The following SOX5 variants were observed in gnomAD, a reference collection of about 807,000 sequenced individuals.
The protein encoded by SOX5 is SRY-box transcription factor 5, also known as transcription factor SOX-5.
A neutral mutation model predicts 92.0 loss-of-function variants in SOX5; 9 were observed. That is an observed-to-expected ratio of 0.10 (90% CI 0.06 to 0.17). SOX5 has a LOEUF of 0.17. SOX5 is among the 10% of genes least tolerant of loss of function. The pLI, the probability that SOX5 is intolerant of heterozygous loss-of-function variation, is 1.00. For synonymous variants in SOX5, 344 were observed against 336.3 expected, an observed-to-expected ratio of 1.02 and a Z score of -0.25; for missense variants, 642 against 944.5, an observed-to-expected ratio of 0.68 and a Z score of 4.20.
At chr12:23,581,437 T>C (rs139958753) in intron 9 of SOX5, among the ~76,000 whole-genome samples, 103 of 152,266 alleles carry the variant, frequency 6.8e-4, no homozygotes, top group African/African-American at 2.4e-3. Flanking sequence ...ATGATTTGGT[T>C]CATTCCATAT....
chr12:24,207,012 C>G (rs1958091214), intron 4 of SOX5, among the ~76,000 whole-genome samples: 2 of 152,204 alleles, frequency 1.3e-5, no homozygotes, highest in African/African-American at 4.8e-5. Context: ...GGGAATAGGG[C>G]TCCCCTCTTC....
intron 1 of SOX5, among the ~76,000 whole-genome samples, chr12:24,446,988 A>C (rs962488077): frequency 2.0e-5 from 3 of 152,238 alleles, no homozygotes; most frequent in Non-Finnish European, 2.9e-5. Context: ...TAATCCAAGG[A>C]TCAAACAAAT....
At chr12:23,731,075 C>A (rs931902671) in intron 6 of SOX5, among the ~76,000 whole-genome samples, 1 of 152,208 alleles carries the variant, frequency 6.6e-6, no homozygotes, top group African/African-American at 2.4e-5. Flanking sequence ...ATGCGTGGAT[C>A]TATCTGGTGG....
intron 1 of SOX5, among the ~76,000 whole-genome samples, chr12:24,399,576 T>C (rs1188259041): frequency 6.6e-6 from 1 of 152,152 alleles, no homozygotes; most frequent in Non-Finnish European, 1.5e-5. Context: ...ATAATGAAAA[T>C]GTGGAATTAC....
At chr12:24,283,094 T>C (rs1012581009) in intron 2 of SOX5, among the ~76,000 whole-genome samples, 1 of 152,236 alleles carries the variant, frequency 6.6e-6, no homozygotes, top group Non-Finnish European at 1.5e-5. Context: ...TGCCGTAGTC[T>C]TAACCACTGG....
intron 3 of SOX5, among the ~76,000 whole-genome samples, chr12:23,804,343 C>T (rs1489507509): frequency 2.0e-5 from 3 of 152,224 alleles, no homozygotes; most frequent in South Asian, 2.1e-4. Context: ...TCTATAACAG[C>T]ATATCCACTG....
At chr12:23,893,586 T>C (rs1436026730) in intron 2 of SOX5, among the ~76,000 whole-genome samples, 1 of 152,228 alleles carries the variant, frequency 6.6e-6, no homozygotes, top group East Asian at 1.9e-4. Flanking sequence ...ATCTTCCATT[T>C]ATCTTTCTGG....
chr12:23,682,411 C>A (rs1272994773), intron 6 of SOX5, among the ~76,000 whole-genome samples: 1 of 150,076 alleles, frequency 6.7e-6, no homozygotes, highest in East Asian at 1.9e-4. Flanking sequence ...ATTAAAAATA[C>A]AATTTGATTA....
intron 6 of SOX5, among the ~76,000 whole-genome samples, chr12:23,730,450 C>T (rs1158813294): frequency 6.6e-6 from 1 of 152,088 alleles, no homozygotes; most frequent in Non-Finnish European, 1.5e-5. Context: ...GAAAAGTGGA[C>T]ATGTTCTTGA....
intron 2 of SOX5, among the ~76,000 whole-genome samples, chr12:24,334,251 G>A (rs1951653697): frequency 6.6e-6 from 1 of 151,942 alleles, no homozygotes; most frequent in Non-Finnish European, 1.5e-5. Context: ...AGATTTTAGT[G>A]TAAACCTAAA....
At chr12:23,691,942 T>C (rs1037492226) in intron 6 of SOX5, among the ~76,000 whole-genome samples, 1 of 152,148 alleles carries the variant, frequency 6.6e-6, no homozygotes, top group African/African-American at 2.4e-5. Flanking sequence ...ATTTCCTTAA[T>C]TTCTTGAGTG....
At chr12:24,061,249 A>G (rs1939638228) in intron 4 of SOX5, among the ~76,000 whole-genome samples, 1 of 152,180 alleles carries the variant, frequency 6.6e-6, no homozygotes, top group Non-Finnish European at 1.5e-5. Flanking sequence ...ACAAGGGGAC[A>G]AATTTTAAGG....
chr12:23,923,322 AAT>A (rs1939007186), intron 1 of SOX5, among the ~76,000 whole-genome samples: 1 of 152,080 alleles, frequency 6.6e-6, no homozygotes, highest in Non-Finnish European at 1.5e-5. Context: ...TGAATGAATG[AAT>A]GAATGAATAC....
intron 4 of SOX5, among the ~76,000 whole-genome samples, chr12:24,074,352 G>A (rs976517644): frequency 7.3e-5 from 11 of 151,616 alleles, no homozygotes; most frequent in African/African-American, 2.7e-4. Flanking sequence ...TAGAAAGACA[G>A]TGAATGATTT....
chr12:23,832,999 A>T (rs2096354791), intron 3 of SOX5, among the ~76,000 whole-genome samples: 1 of 152,034 alleles, frequency 6.6e-6, no homozygotes, highest in Non-Finnish European at 1.5e-5. Context: ...ACTGAAACTC[A>T]AACACTGAAT....
intron 6 of SOX5, among the ~76,000 whole-genome samples, chr12:23,690,872 C>G (rs149846064): frequency 2.3e-4 from 35 of 152,326 alleles, no homozygotes; most frequent in African/African-American, 7.7e-4. Context: ...CTCCACTTAT[C>G]TTTTAACATT....
intron 1 of SOX5, among the ~76,000 whole-genome samples, chr12:23,909,990 C>G (rs1568890329): frequency 6.6e-6 from 1 of 151,994 alleles, no homozygotes; most frequent in African/African-American, 2.4e-5. Context: ...GAGGCATGAT[C>G]ATTTAAAGAC....
At chr12:23,948,782 C>G (rs1945035790) in intron 1 of SOX5, among the ~76,000 whole-genome samples, 1 of 152,114 alleles carries the variant, frequency 6.6e-6, no homozygotes, top group South Asian at 2.1e-4. Context: ...CCCTGCTTTA[C>G]TTGCAACAAC....
At chr12:24,340,739 C>T (rs1457962198) in intron 2 of SOX5, among the ~76,000 whole-genome samples, 2 of 152,192 alleles carry the variant, frequency 1.3e-5, no homozygotes, top group Non-Finnish European at 1.5e-5. Context: ...AAAGCAGAGT[C>T]CTTTGATTGA....
Sources: gnomAD v4.1 joint callset for allele counts (sites outside exome capture counted in the v4.1 genomes callset) on GRCh38, gnomAD v4.1.1 for gene constraint, MANE v1.5 for transcripts, NCBI Gene and HGNC (gene_info 2026-07-23, HGNC 2026-07-21) for gene names.